The following DNAAF3 variants were observed in gnomAD, a reference collection of about 807,000 sequenced individuals.
The protein encoded by DNAAF3 is dynein axonemal assembly factor 3.
A neutral mutation model predicts 50.9 loss-of-function variants in DNAAF3; 40 were observed. The ratio of observed to expected loss-of-function variants is 0.79; its 90% CI spans 0.61 to 1.02. The LOEUF is 1.02. DNAAF3 is among the 50% of genes least tolerant of loss of function. The pLI is 0.00. For missense variants in DNAAF3, 763 were observed against 744.7 expected (o/e 1.02, Z -0.29); for synonymous variants, 327 against 322.8 (o/e 1.01, Z -0.14).
In DNAAF3 at chr19:55,158,968, A is replaced by G. The variant is rs2147289440; in HGVS notation, c.*94T>C. The G allele has an allele frequency of 2.2e-6, 3 of 1,393,736 alleles. No homozygotes were observed. The East Asian group carries it at 6.9e-5, about 32-fold the overall frequency. The allele number at this position is 1,393,736 out of a possible 1,614,324, so 86.3% of individuals were successfully genotyped here. On this transcript the variant is annotated 3_prime_UTR_variant, in exon 12 of 12. Transcript: ENST00000524407. The stretch of plus-strand genomic sequence containing the variant: ...AGTGGGAATGATTAGAATAAAATTG[A>G]GGACTCTAGCAGCGGACTTAGAATG...
In DNAAF3 at chr19:55,160,398, C is replaced by A. The variant is rs1330166352; in HGVS notation, c.1048+242G>T. Among the ~76,000 whole-genome samples the A allele has an allele frequency of 6.6e-6, 1 of 152,122 alleles. No individual in the cohort carries two copies. Among genetic ancestry groups the A allele is most frequent in the Non-Finnish European group, 1.5e-5 (1 of 68,012 alleles). On this transcript the variant is annotated intron_variant, in intron 9 of 11. Coordinates refer to ENST00000524407, the MANE Select transcript of DNAAF3 (RefSeq NM_001256715.2). This position sits in a 1 kb window ranked among gnomAD's most constrained non-coding sequence, Gnocchi z 4.7. ...TCCAAGGGGGAGCTGGGACCCAGCA[C>A]CCTGTGAGAATATTCTTGGATAGCT... is the stretch of plus-strand genomic sequence containing the variant.
chr19:55,161,735 C>A lies in DNAAF3; in HGVS notation c.571G>T (p.Asp191Tyr). The change falls in exon 6 of 12, where the codon GAC becomes TAC. Residue 191 changes from aspartate (D) to tyrosine (Y), a missense_variant. Coordinates refer to ENST00000524407, the MANE Select transcript of DNAAF3 (RefSeq NM_001256715.2). This position sits in a 1 kb window ranked among gnomAD's most constrained non-coding sequence, Gnocchi z 6.4. ...PQAFPMSRLW[D>Y]SRLRHYLGSR... is the part of the protein sequence containing the mutation. ...CCCAGGTAGTGGCGCAGGCGCGAGT[C>A]CCAGAGGCGGCTCATGGGGAACGCC... The A allele has an allele frequency of 6.5e-7, 1 of 1,539,270 alleles. No individual in the cohort carries two copies.
chr19:55,165,484 GAAT>G, intron 3 of DNAAF3, 21 bp from the exon 4 acceptor site: 1 of 1,612,544 alleles, frequency 6.2e-7, no homozygotes, highest in Non-Finnish European at 8.5e-7. Flanking sequence ...GGACAGGGCA[GAAT>G]AATTCTGAGA....
Position 55,159,415 on chromosome 19 carries a change from C to A in DNAAF3, c.1273G>T (p.Gly425Ter). Residue 425 changes from glycine (G) to a stop codon, truncating the protein, a stop_gained, in exon 12 of 12, where the codon GGA (glycine) becomes TGA (stop). Coordinates refer to ENST00000524407, the MANE Select transcript of DNAAF3 (RefSeq NM_001256715.2). LOFTEE classifies it low-confidence loss of function (END_TRUNC). The stretch of plus-strand genomic sequence containing the variant: ...AGCTCCCTGACCCGGGTGTTGAATC[C>A]CTGCAGCTGCTCCTGCCGCACGTCC... Reference protein sequence around the residue: ...LVDVRQEQLQGFNTRVRELAQ... With the variant: ...LVDVRQEQLQ 4 of 1,614,138 alleles carry A rather than the reference C, an allele frequency of 2.5e-6. No individual in the cohort carries two copies. Among genetic ancestry groups the A allele is most frequent in the Non-Finnish European group, 3.4e-6 (4 of 1,180,014 alleles).
chr19:55,159,930 C>T lies in DNAAF3; in HGVS notation c.1132G>A (p.Gly378Ser), dbSNP rs200611170. The stretch of plus-strand genomic sequence containing the variant: ...GCCACATAGAGGAGCTGGAATCGGC[C>T]GTTGTAGCAGCTCTTGTGGTGGAGA... Reference protein sequence around the residue: ...QTLHHKSCYNGRFQLLYVACG... With the variant: ...QTLHHKSCYNSRFQLLYVACG... Residue 378 changes from glycine (G) to serine (S), a missense_variant, in exon 10 of 12, where the codon GGC becomes AGC. Transcript: ENST00000524407. The T allele has an allele frequency of 7.1e-5, 115 of 1,610,032 alleles. No homozygotes were observed. The highest frequency in any genetic ancestry group is 8.2e-5 in the Non-Finnish European group (97 of 1,178,192).
Position 55,158,902 on chromosome 19 carries a change from A to T in DNAAF3, c.*160T>A, listed in dbSNP as rs1196493752. On this transcript the variant is annotated 3_prime_UTR_variant, in exon 12 of 12. Transcript: ENST00000524407. ...CATAGAATCTCAGAAATGGAATTTG[A>T]AAGTCTACCAACACTCCCGGGGTGG... 1 of 722,208 alleles carries T rather than the reference A, an allele frequency of 1.4e-6. No homozygotes were observed. The highest frequency in any genetic ancestry group is 2.2e-6 in the Non-Finnish European group (1 of 462,424). The allele number at this position is 722,208 out of a possible 1,614,324, so 44.7% of individuals were successfully genotyped here. A position where few individuals can be genotyped will look rare whatever the true frequency, so the allele number is the denominator to read the frequency against.
Position 55,161,966 on chromosome 19 carries a change from G to GC in DNAAF3, c.481-142dup. On this transcript the variant is annotated intron_variant, in intron 5 of 11. Transcript: ENST00000524407. The surrounding 1 kb of genome is among the most constrained non-coding windows in gnomAD (Gnocchi z 6.4). ...GGATGGAAAAACTGAGGCTCCGAAA[G>GC]CAGAAGCCACCTCCTGCCCCCAGGC... The GC allele has an allele frequency of 7.4e-7, 1 of 1,357,064 alleles. No individual in the cohort carries two copies. The highest frequency in any genetic ancestry group is 9.5e-7 in the Non-Finnish European group (1 of 1,053,618). 84.1% of individuals were successfully genotyped at this position (1,357,064 alleles called of 1,614,324 possible). A position where few individuals can be genotyped will look rare whatever the true frequency, so the allele number is the denominator to read the frequency against.
Position 55,160,597 on chromosome 19 carries a change from G to A in DNAAF3, c.1048+43C>T. ...TCCACACTCCAGTGTGAAACACCTG[G>A]AGGCTGGAGTCCCTGGCTTACCTGT... On this transcript the variant is annotated intron_variant, in intron 9 of 11. Coordinates refer to ENST00000524407, the MANE Select transcript of DNAAF3 (RefSeq NM_001256715.2). This position sits in a 1 kb window ranked among gnomAD's most constrained non-coding sequence, Gnocchi z 4.7. 1 of 1,613,414 alleles carries A rather than the reference G, an allele frequency of 6.2e-7. No homozygotes were observed. Among genetic ancestry groups the A allele is most frequent in the Non-Finnish European group, 8.5e-7 (1 of 1,179,894 alleles).
At chr19:55,164,721 C>T (rs1323846184) in intron 4 of DNAAF3, among the ~76,000 whole-genome samples, 1 of 151,970 alleles carries the variant, frequency 6.6e-6, no homozygotes, top group South Asian at 2.1e-4. Context: ...GACGGGGTTT[C>T]ACCATGTTGA....
At position 55,158,899 on chromosome 19, in the gene DNAAF3, T is replaced by C. The variant is rs540235885; in HGVS notation, c.*163A>G. On this transcript the variant is annotated 3_prime_UTR_variant, in exon 12 of 12. Transcript: ENST00000524407. ...GACCATAGAATCTCAGAAATGGAATTTGAAAGTCTACCAACACTCCCGGGG... is the reference window on the plus strand; with the variant it reads ...GACCATAGAATCTCAGAAATGGAATCTGAAAGTCTACCAACACTCCCGGGG... 2 of 710,172 alleles carry C rather than the reference T, an allele frequency of 2.8e-6. No homozygotes were observed. The highest frequency in any genetic ancestry group is 2.4e-5 in the South Asian group (1 of 41,166). The allele number at this position is 710,172 out of a possible 1,614,324, so 44.0% of individuals were successfully genotyped here.
chr19:55,161,723 G>T lies in DNAAF3; in HGVS notation c.583C>A (p.Arg195Ser). 2 of 1,540,482 alleles carry T rather than the reference G, an allele frequency of 1.3e-6. No individual in the cohort carries two copies. The highest frequency in any genetic ancestry group is 1.7e-6 in the Non-Finnish European group (2 of 1,146,084). The change falls in exon 6 of 12, where the codon CGC (arginine) becomes AGC (serine). Residue 195 changes from arginine (R) to serine (S), a missense_variant. Physicochemically the swap from Arg to Ser is moderately radical, Grantham distance 110. Transcript: ENST00000524407. The surrounding 1 kb of genome is among the most constrained non-coding windows in gnomAD (Gnocchi z 6.4). ...TCGTAGCGGGAGCCCAGGTAGTGGCGCAGGCGCGAGTCCCAGAGGCGGCTC... is the reference window on the plus strand; with the variant it reads ...TCGTAGCGGGAGCCCAGGTAGTGGCTCAGGCGCGAGTCCCAGAGGCGGCTC... ...PMSRLWDSRLRHYLGSRYDAR... is the reference protein window; with the variant it reads ...PMSRLWDSRLSHYLGSRYDAR...
Position 55,166,390 on chromosome 19 carries a change from G to A in DNAAF3, c.24C>T (p.Gly8=), listed in dbSNP as rs963436782. 6.2e-6 allele frequency: 10 copies of A among 1,613,834 alleles called. No homozygotes were observed. The South Asian group carries it at 9.9e-5, about 16-fold the overall frequency. Residue 8 remains glycine (G), a synonymous_variant, in exon 2 of 12, where the codon GGC becomes GGT. Transcript: ENST00000524407. The surrounding 1 kb of genome is among the most constrained non-coding windows in gnomAD (Gnocchi z 4.0). ...ACCAGGACACGGAGCCGAAGCCGCT[G>A]CCGGAGCCGGCAGGTGTGGTCATCA... The part of the protein sequence containing the change: MTTPAGS[G]SGFGSVSWWG...
chr19:55,160,836 C>T lies in DNAAF3; in HGVS notation c.913-61G>A, dbSNP rs546700678. The T allele has an allele frequency of 3.5e-4, 556 of 1,568,604 alleles. No individual in the cohort carries two copies. Among genetic ancestry groups the T allele is most frequent in the Non-Finnish European group, 4.5e-4 (520 of 1,165,764 alleles). ...CAGGATGGCGGGGCGGGGCTTAGAA[C>T]GCTGGGAGTCCTCGGTCCAGGACTA... is the stretch of plus-strand genomic sequence containing the variant. On this transcript the variant is annotated intron_variant, in intron 8 of 11. Coordinates refer to ENST00000524407, the MANE Select transcript of DNAAF3 (RefSeq NM_001256715.2). The surrounding 1 kb of genome is among the most constrained non-coding windows in gnomAD (Gnocchi z 4.7).
Position 55,161,319 on chromosome 19 carries a change from G to C in DNAAF3, c.763C>G (p.Leu255Val). Residue 255 changes from leucine (L) to valine (V), a missense_variant, in exon 7 of 12, where the codon CTG (leucine) becomes GTG (valine). Coordinates refer to ENST00000524407, the MANE Select transcript of DNAAF3 (RefSeq NM_001256715.2). This position sits in a 1 kb window ranked among gnomAD's most constrained non-coding sequence, Gnocchi z 6.4. Reference protein sequence around the residue: ...SSAYHVPNRTLASGRLLSYRG... With the variant: ...SSAYHVPNRTVASGRLLSYRG... ...TAGCTCAGGAGGCGACCGGACGCCA[G>C]GGTCCGGTTGGGCACATGATAGGCG... The C allele has an allele frequency of 1.2e-6, 2 of 1,611,066 alleles. No homozygotes were observed. The highest frequency in any genetic ancestry group is 2.2e-5 in the South Asian group (2 of 90,860).
At position 55,166,067 on chromosome 19, in the gene DNAAF3, T is replaced by A; in HGVS notation, c.86-67A>T. 6.2e-7 allele frequency: 1 copy of A among 1,612,690 alleles called. No homozygotes were observed. The highest frequency in any genetic ancestry group is 8.5e-7 in the Non-Finnish European group (1 of 1,179,480). Reference sequence around the variant, plus strand: ...AGAGCGTCCACCGTAGCATCCCCTATAAAAAATGGACTACAAATCCCAGTA... The same window carrying A: ...AGAGCGTCCACCGTAGCATCCCCTAAAAAAAATGGACTACAAATCCCAGTA... On this transcript the variant is annotated intron_variant, in intron 2 of 11. Coordinates refer to ENST00000524407, the MANE Select transcript of DNAAF3 (RefSeq NM_001256715.2). The surrounding 1 kb of genome is among the most constrained non-coding windows in gnomAD (Gnocchi z 4.0).
intron 4 of DNAAF3, among the ~76,000 whole-genome samples, chr19:55,164,041 C>T (rs10421953): frequency 6.6e-6 from 1 of 151,954 alleles, no homozygotes; most frequent in East Asian, 1.9e-4. Context: ...CAAGTGTGCG[C>T]CTCTTCCCCA....
intron 5 of DNAAF3, 92 bp downstream of exon 5, chr19:55,162,041 G>A (rs886236180): frequency 2.3e-4 from 308 of 1,326,494 alleles, no homozygotes; most frequent in Non-Finnish European, 2.9e-4. Context: ...CCCCTAGCCC[G>A]CCGCCTGCTC....
At position 55,160,016 on chromosome 19, in the gene DNAAF3, G is replaced by C. The variant is rs747311078; in HGVS notation, c.1049-3C>G. 6.4e-7 allele frequency: 1 copy of C among 1,560,156 alleles called. No homozygotes were observed. The highest frequency in any genetic ancestry group is 1.4e-5 in the African/African-American group (1 of 71,578). The stretch of plus-strand genomic sequence containing the variant: ...GAAAGATTCCGGGGTCGGGGCTGCT[G>C]GGGGAAGGGGATAGAGGGGTCACCT... On this transcript the variant is annotated splice_region_variant and splice_polypyrimidine_tract_variant and intron_variant, in intron 9 of 11. Coordinates refer to ENST00000524407, the MANE Select transcript of DNAAF3 (RefSeq NM_001256715.2). This position sits in a 1 kb window ranked among gnomAD's most constrained non-coding sequence, Gnocchi z 4.7.
Position 55,166,565 on chromosome 19 carries a change from C to T in DNAAF3, c.-47G>A, listed in dbSNP as rs2085942629. 9.3e-6 allele frequency: 15 copies of T among 1,614,044 alleles called. No individual in the cohort carries two copies. The highest frequency in any genetic ancestry group is 1.2e-5 in the Non-Finnish European group (14 of 1,180,000). On this transcript the variant is annotated 5_prime_UTR_variant, in exon 1 of 12. Transcript: ENST00000524407. The surrounding 1 kb of genome is among the most constrained non-coding windows in gnomAD (Gnocchi z 4.0). Reference sequence around the variant, plus strand: ...CCCGGGACGCCCCTTCCTCTCTGCTCAGTGCAGCACTGTGGACCCGCGGCA... The same window carrying T: ...CCCGGGACGCCCCTTCCTCTCTGCTTAGTGCAGCACTGTGGACCCGCGGCA...
Sources: gnomAD v4.1 joint callset for allele counts (sites outside exome capture counted in the v4.1 genomes callset) on GRCh38, gnomAD v4.1.1 for gene constraint, Gnocchi (gnomAD v3.1) non-coding constraint, MANE v1.5 for transcripts, NCBI Gene and HGNC (gene_info 2026-07-23, HGNC 2026-07-21) for gene names.